The following MIB2 variants were observed in gnomAD, a reference collection of about 807,000 sequenced individuals.
MIB2 encodes the protein MIB E3 ubiquitin protein ligase 2.
MIB2 carries 78 observed loss-of-function variants against 96.6 expected under a neutral mutation model. That is an observed-to-expected ratio of 0.81 (90% CI 0.67 to 0.97). The LOEUF (loss-of-function observed/expected upper bound fraction) is 0.97, where lower values mean the gene tolerates loss of function less well. MIB2 is among the 50% of genes least tolerant of loss of function. The probability of loss-of-function intolerance (pLI) is 0.00; values close to 1 mark genes in which losing one functional copy is unlikely to be tolerated. For synonymous variants in MIB2, 820 were observed against 629.5 expected, an observed-to-expected ratio of 1.30 and a Z score of -4.53; for missense variants, 1,543 against 1,424.0, an observed-to-expected ratio of 1.08 and a Z score of -1.35.
Position 1,624,687 on chromosome 1 carries a change from G to A in MIB2, c.420-108G>A, listed in dbSNP as rs1387525626. On this transcript the variant is annotated intron_variant, in intron 4 of 19. Coordinates refer to ENST00000355826, the MANE Select transcript of MIB2 (RefSeq NM_001170687.4). ...GAGCTGGGGCTGCGGAGCCCAGCAGGCTGGGTGGACAGGGGGCCTGCTCCA... is the reference window on the plus strand; with the variant it reads ...GAGCTGGGGCTGCGGAGCCCAGCAGACTGGGTGGACAGGGGGCCTGCTCCA... 3.8e-6 allele frequency: 4 copies of A among 1,052,566 alleles called. No homozygotes were observed. The African/African-American group carries it at 6.3e-5, about 17-fold the overall frequency. The allele number at this position is 1,052,566 out of a possible 1,614,324, so 65.2% of individuals were successfully genotyped here. A position where few individuals can be genotyped will look rare whatever the true frequency, so the allele number is the denominator to read the frequency against.
rs1644807243 is a variant in MIB2, at chr1:1,626,719, G to A, written c.1042G>A (p.Ala348Thr). The change falls in exon 9 of 20, where the codon GCT (alanine) becomes ACT (threonine). Residue 348 changes from alanine (A) to threonine (T), a missense_variant. Transcript: ENST00000355826. The surrounding 1 kb of genome is among the most constrained non-coding windows in gnomAD (Gnocchi z 5.3). ...CCTTGACACAGTGAAGCGGCTGCAG[G>A]CTGGGCATGGCGAGTGGACGGACGA... ...GDLDTVKRLQ[A>T]GHGEWTDDMA... 1.9e-6 allele frequency: 3 copies of A among 1,600,630 alleles called. No individual in the cohort carries two copies. The highest frequency in any genetic ancestry group is 2.2e-5 in the South Asian group (2 of 89,802).
intron 1 of MIB2, 111 bp from the exon 2 acceptor site, chr1:1,616,391 TCGCGGC>T: frequency 1.3e-6 from 1 of 742,566 alleles, no homozygotes; most frequent in African/African-American, 1.9e-5. Flanking sequence ...GCCCTGAGTG[TCGCGGC>T]CGTGGGCCCG....
In MIB2 at chr1:1,628,013, C is replaced by T. The variant is rs1389996594; in HGVS notation, c.1681-6C>T. On this transcript the variant is annotated splice_polypyrimidine_tract_variant and splice_region_variant and intron_variant, in intron 13 of 19. Coordinates refer to ENST00000355826, the MANE Select transcript of MIB2 (RefSeq NM_001170687.4). The stretch of plus-strand genomic sequence containing the variant: ...CCCCAGGTGACCACTGACTCCGCCC[C>T]AGCAGGACGCCCACTCGGACACGCC... 1 of 1,612,216 alleles carries T rather than the reference C, an allele frequency of 6.2e-7. No individual in the cohort carries two copies. The highest frequency in any genetic ancestry group is 1.7e-5 in the Admixed American group (1 of 59,970).
intron 16 of MIB2, 55 bp from the exon 17 acceptor site, chr1:1,629,078 C>G: frequency 7.2e-7 from 1 of 1,384,688 alleles, no homozygotes; most frequent in Non-Finnish European, 9.3e-7. Context: ...CAGGAGACGC[C>G]TCCCTCGGGC....
chr1:1,627,487 CG>C (rs1196098167), intron 12 of MIB2, 43 bp downstream of exon 12: 2 of 1,546,378 alleles, frequency 1.3e-6, no homozygotes, highest in East Asian at 5.0e-5. Context: ...TGAGCCTGTG[CG>C]TCCTGGGGTG....
chr1:1,623,587 C>G lies in MIB2; in HGVS notation c.135C>G (p.Pro45=). 7.9e-6 allele frequency: 12 copies of G among 1,512,132 alleles called. No homozygotes were observed. Among genetic ancestry groups the G allele is most frequent in the Non-Finnish European group, 9.7e-6 (11 of 1,130,668 alleles). The allele number at this position is 1,512,132 out of a possible 1,614,324, so 93.7% of individuals were successfully genotyped here. Residue 45 remains proline, a synonymous_variant, in exon 3 of 20, where the codon CCC becomes CCG. Transcript: ENST00000355826. ...TGGAGCTTGGCCGCCACGGCAGCCC[C>G]TCGACACCCGACCGCACAGTGGTCG... ...TVVELGRHGS[P]STPDRTVVVQ... is the part of the protein sequence containing the mutation.
At position 1,629,115 on chromosome 1, in the gene MIB2, G is replaced by C; in HGVS notation, c.2203-18G>C. 1 of 1,455,728 alleles carries C rather than the reference G, an allele frequency of 6.9e-7. No individual in the cohort carries two copies. Among genetic ancestry groups the C allele is most frequent in the Non-Finnish European group, 9.0e-7 (1 of 1,115,066 alleles). 90.2% of individuals were successfully genotyped at this position (1,455,728 alleles called of 1,614,324 possible). On this transcript the variant is annotated intron_variant, in intron 16 of 19. Coordinates refer to ENST00000355826, the MANE Select transcript of MIB2 (RefSeq NM_001170687.4). ...TGCCCCGGCGCCCGCCCTCACCGGC[G>C]TCTGTCCTGCCGCCCAGCTACAGGC...
Position 1,629,326 on chromosome 1 carries a change from G to A in MIB2, c.2381+15G>A. ...CAGCGCTTCCGGTGAGTCCGTGGAC[G>A]GCGGGGATGGGGTCCGGCGGCCTCC... On this transcript the variant is annotated intron_variant, in intron 17 of 19. Coordinates refer to ENST00000355826, the MANE Select transcript of MIB2 (RefSeq NM_001170687.4). 6.8e-7 allele frequency: 1 copy of A among 1,467,546 alleles called. No individual in the cohort carries two copies. Among genetic ancestry groups the A allele is most frequent in the Non-Finnish European group, 8.9e-7 (1 of 1,123,376 alleles). 90.9% of individuals were successfully genotyped at this position (1,467,546 alleles called of 1,614,324 possible).
At position 1,616,495 on chromosome 1, in the gene MIB2, C is replaced by G. The variant is rs778691904; in HGVS notation, c.-129-13C>G. The G allele has an allele frequency of 6.4e-7, 1 of 1,557,104 alleles. No individual in the cohort carries two copies. Among genetic ancestry groups the G allele is most frequent in the Non-Finnish European group, 8.7e-7 (1 of 1,149,718 alleles). On this transcript the variant is annotated splice_polypyrimidine_tract_variant and intron_variant, in intron 1 of 19. Coordinates refer to ENST00000355826, the MANE Select transcript of MIB2 (RefSeq NM_001170687.4). ...TGCTAACTGTGCATCTTGGCATCTC[C>G]CCTCGGCCACAGGGTTGGAAGCCCA...
At chr1:1,621,342 G>C (rs1644245606) in intron 2 of MIB2, among the ~76,000 whole-genome samples, 1 of 152,242 alleles carries the variant, frequency 6.6e-6, no homozygotes, top group African/African-American at 2.4e-5. Flanking sequence ...GCCCAGCCGG[G>C]AGGCTGCAGG....
At chr1:1,623,159 C>T in intron 2 of MIB2, 2 of 531,548 alleles carry the variant, frequency 3.8e-6, no homozygotes, top group Non-Finnish European at 3.3e-6. Flanking sequence ...TCATGAAGCC[C>T]CCGGGGCCAG....
intron 19 of MIB2, 85 bp downstream of exon 19, chr1:1,629,789 C>T (rs1250823162): frequency 1.5e-5 from 21 of 1,373,012 alleles, no homozygotes; most frequent in Non-Finnish European, 1.9e-5. Flanking sequence ...CCCTCCCACA[C>T]TTCCGCCCAT....
Position 1,625,190 on chromosome 1 carries a change from G to T in MIB2, c.721+5G>T. On this transcript the variant is annotated splice_donor_5th_base_variant and intron_variant, in intron 6 of 19. Transcript: ENST00000355826. This position sits in a 1 kb window ranked among gnomAD's most constrained non-coding sequence, Gnocchi z 5.0. ...AGGACCACCTCCCAAGGCTCGGTAT[G>T]AGGCTGTCACACTGACTCCATCAGC... 1 of 1,607,562 alleles carries T rather than the reference G, an allele frequency of 6.2e-7. No homozygotes were observed.
Position 1,626,928 on chromosome 1 carries a change from C to G in MIB2, c.1169C>G (p.Ser390Cys). ...VAGQRWTFSP[S>C]CLVAYRPEED... ...GGTCAGCGGTGGACCTTCAGCCCCT[C>G]CTGCCTGGTGGCCTACCGGCCCGAG... Residue 390 changes from serine (S) to cysteine (C), a missense_variant, in exon 10 of 20, where the codon TCC (serine) becomes TGC (cysteine). By Grantham distance (112) the Ser-to-Cys change is moderately radical. Transcript: ENST00000355826. The surrounding 1 kb of genome is among the most constrained non-coding windows in gnomAD (Gnocchi z 5.3). The G allele has an allele frequency of 2.5e-6, 4 of 1,610,402 alleles. No individual in the cohort carries two copies. The highest frequency in any genetic ancestry group is 1.7e-4 in the Middle Eastern group (1 of 6,060).
rs1643515691 is a variant in MIB2 at position 1,615,514 on chromosome 1, A to G, written c.-249A>G. 3.3e-6 allele frequency: 5 copies of G among 1,529,712 alleles called. No individual in the cohort carries two copies. Among genetic ancestry groups the G allele is most frequent in the African/African-American group, 1.4e-5 (1 of 71,794 alleles). The allele number at this position is 1,529,712 out of a possible 1,614,324, so 94.8% of individuals were successfully genotyped here. On this transcript the variant is annotated 5_prime_UTR_variant, in exon 1 of 20. Transcript: ENST00000355826. Reference sequence around the variant, plus strand: ...CCTGGGCTCCCGCCCTTCGGGTCCCACAGTTTCCAGCCGCCGCTCTCCTCA... The same window carrying G: ...CCTGGGCTCCCGCCCTTCGGGTCCCGCAGTTTCCAGCCGCCGCTCTCCTCA...
Position 1,626,769 on chromosome 1 carries a change from C to T in MIB2, c.1077+15C>T, listed in dbSNP as rs138333872. On this transcript the variant is annotated intron_variant, in intron 9 of 19. Transcript: ENST00000355826. This position sits in a 1 kb window ranked among gnomAD's most constrained non-coding sequence, Gnocchi z 5.3. ...ACATGGCCCCTGTGAGTCCCCCTGC[C>T]ACCCCCGCCGCTAGCGCCGCTGCCC... 3.8e-4 allele frequency: 590 copies of T among 1,552,064 alleles called. No homozygotes were observed. Among genetic ancestry groups the T allele is most frequent in the Non-Finnish European group, 4.7e-4 (540 of 1,151,570 alleles).
chr1:1,626,834 C>G lies in MIB2; in HGVS notation c.1078-3C>G. On this transcript the variant is annotated splice_polypyrimidine_tract_variant and splice_region_variant and intron_variant, in intron 9 of 19. Transcript: ENST00000355826. The surrounding 1 kb of genome is among the most constrained non-coding windows in gnomAD (Gnocchi z 5.3). Reference sequence around the variant, plus strand: ...CTGCTGTGACCCCCTCCCCTCCCCGCAGGCCCTGGGCCGCGTCGGGAAGGT... The same window carrying G: ...CTGCTGTGACCCCCTCCCCTCCCCGGAGGCCCTGGGCCGCGTCGGGAAGGT... 6.2e-7 allele frequency: 1 copy of G among 1,601,882 alleles called. No homozygotes were observed. The highest frequency in any genetic ancestry group is 8.5e-7 in the Non-Finnish European group (1 of 1,179,038).
Position 1,626,762 on chromosome 1 carries a change from C to T in MIB2, c.1077+8C>T, listed in dbSNP as rs888412873. On this transcript the variant is annotated splice_region_variant and intron_variant, in intron 9 of 19. Transcript: ENST00000355826. This position sits in a 1 kb window ranked among gnomAD's most constrained non-coding sequence, Gnocchi z 5.3. ...ACGGACGACATGGCCCCTGTGAGTC[C>T]CCCTGCCACCCCCGCCGCTAGCGCC... 1.3e-6 allele frequency: 2 copies of T among 1,551,794 alleles called. No individual in the cohort carries two copies. Among genetic ancestry groups the T allele is most frequent in the Admixed American group, 1.8e-5 (1 of 54,260 alleles).
chr1:1,615,822 G>A, intron 1 of MIB2, 189 bp downstream of exon 1: 1 of 1,297,230 alleles, frequency 7.7e-7, no homozygotes, highest in Non-Finnish European at 9.8e-7. Flanking sequence ...GGGCCTCCTG[G>A]GAGTTGTGGT....
Sources: gnomAD v4.1 joint callset for allele counts (sites outside exome capture counted in the v4.1 genomes callset) on GRCh38, gnomAD v4.1.1 for gene constraint, Gnocchi (gnomAD v3.1) non-coding constraint, MANE v1.5 for transcripts, NCBI Gene and HGNC (gene_info 2026-07-23, HGNC 2026-07-21) for gene names.